CCT2: variants seen among roughly 807,000 people sequenced by gnomAD.
The protein encoded by CCT2 is chaperonin containing TCP1 subunit 2.
In CCT2, 18 loss-of-function variants were observed where a neutral mutation model predicts 61.8. The ratio of observed to expected loss-of-function variants is 0.29; its 90% CI spans 0.20 to 0.43. The LOEUF (loss-of-function observed/expected upper bound fraction) is 0.43, where lower values mean the gene tolerates loss of function less well. Ranked by LOEUF, CCT2 falls within the 20% of genes least tolerant of loss-of-function variation. The probability of loss-of-function intolerance (pLI) is 1.00; values close to 1 mark genes in which losing one functional copy is unlikely to be tolerated. For missense variants in CCT2, 556 were observed against 656.9 expected, an observed-to-expected ratio of 0.85 and a Z score of 1.68; for synonymous variants, 248 against 215.9, an observed-to-expected ratio of 1.15 and a Z score of -1.30.
chr12:69,597,226 A>G lies in CCT2; in HGVS notation c.1053A>G (p.Glu351=). 6.2e-7 allele frequency: 1 copy of G among 1,614,002 alleles called. No individual in the cohort carries two copies. Among genetic ancestry groups the G allele is most frequent in the Non-Finnish European group, 8.5e-7 (1 of 1,179,884 alleles). ...VKLGSCKLIE[E]VMIGEDKLIH... ...TTGGAAGTTGCAAACTTATCGAGGAAGTCATGATTGGAGAAGACAAACTCA... is the reference window on the plus strand; with the variant it reads ...TTGGAAGTTGCAAACTTATCGAGGAGGTCATGATTGGAGAAGACAAACTCA... The change falls in exon 11 of 16, where the codon GAA becomes GAG. Residue 351 remains glutamate (E), a synonymous_variant. Coordinates refer to ENST00000299300, the MANE Select transcript of CCT2 (RefSeq NM_006431.3).
Position 69,591,315 on chromosome 12 carries a change from C to G in CCT2, c.650-744C>G, listed in dbSNP as rs889750131. Among the ~76,000 whole-genome samples, 10 of 152,154 alleles carry G rather than the reference C, an allele frequency of 6.6e-5. No homozygotes were observed. In the South Asian group the frequency reaches 2.1e-3, roughly 31 times the overall value. ...ATGGTTCCAAAGCAGCAGGACTAGG[C>G]TGGTAACTAGCACCTCTGCTACTGG... On this transcript the variant is annotated intron_variant, in intron 7 of 15. Coordinates refer to ENST00000299300, the MANE Select transcript of CCT2 (RefSeq NM_006431.3).
At chr12:69,593,266 C>T (rs1016755139) in intron 9 of CCT2, among the ~76,000 whole-genome samples, 163 bp downstream of exon 9, 2 of 152,262 alleles carry the variant, frequency 1.3e-5, no homozygotes, top group Middle Eastern at 3.4e-3. Flanking sequence ...TGCACACTTA[C>T]AGTGACCAGA....
chr12:69,588,968 G>A (rs114159875), intron 6 of CCT2, among the ~76,000 whole-genome samples: 2 of 152,158 alleles, frequency 1.3e-5, no homozygotes, highest in Non-Finnish European at 2.9e-5. Context: ...TCTTAGAGTT[G>A]CCCAGAATGG....
At chr12:69,600,993 G>C (rs530853414) in intron 15 of CCT2, among the ~76,000 whole-genome samples, 4 of 152,290 alleles carry the variant, frequency 2.6e-5, no homozygotes, top group Admixed American at 2.0e-4. Flanking sequence ...GCATCACACA[G>C]AGGAGGGGGC....
At position 69,587,545 on chromosome 12, in the gene CCT2, T is replaced by C. The variant is rs1002412664; in HGVS notation, c.185T>C (p.Met62Thr). The change falls in exon 4 of 16, where the codon ATG (methionine) becomes ACG (threonine). Residue 62 changes from methionine to threonine, a missense_variant. Physicochemically the swap from Met to Thr is moderately conservative, Grantham distance 81 (BLOSUM62 -1). Around this residue, in one of 3 missense-constraint regions of CCT2, gnomAD observed 308 missense variants for 350.6 expected, o/e 0.88. Transcript: ENST00000299300. ...AGCAGTGGACGAGATGCCTCTCTTA[T>C]GGTAACCAATGATGGTGCCACTATT... ...LLSSGRDASLMVTNDGATILK... is the reference protein window; with the variant it reads ...LLSSGRDASLTVTNDGATILK... 15 of 1,613,698 alleles carry C rather than the reference T, an allele frequency of 9.3e-6. No individual in the cohort carries two copies. The highest frequency in any genetic ancestry group is 2.2e-5 in the East Asian group (1 of 44,886).
intron 5 of CCT2, 25 bp from the exon 6 acceptor site, chr12:69,588,124 CT>C (rs750305969): frequency 1.3e-6 from 2 of 1,582,926 alleles, no homozygotes; most frequent in East Asian, 4.5e-5. Context: ...CTATTTATAA[CT>C]TTTGTTTTAT....
In CCT2 at chr12:69,585,465, C is replaced by G. The variant is rs1310277866; in HGVS notation, c.-57C>G. 9 of 1,551,402 alleles carry G rather than the reference C, an allele frequency of 5.8e-6. No individual in the cohort carries two copies. The highest frequency in any genetic ancestry group is 7.0e-6 in the Non-Finnish European group (8 of 1,145,824). ...GTCACTTCCGGCTTCCTTCAGTCCGCTGGTCCCGAGCACGAGCTGTGAGGG... is the reference window on the plus strand; with the variant it reads ...GTCACTTCCGGCTTCCTTCAGTCCGGTGGTCCCGAGCACGAGCTGTGAGGG... On this transcript the variant is annotated 5_prime_UTR_variant, in exon 1 of 16. Coordinates refer to ENST00000299300, the MANE Select transcript of CCT2 (RefSeq NM_006431.3).
At position 69,598,084 on chromosome 12, in the gene CCT2, A is replaced by T; in HGVS notation, c.1335+13A>T. On this transcript the variant is annotated intron_variant, in intron 13 of 15. Coordinates refer to ENST00000299300, the MANE Select transcript of CCT2 (RefSeq NM_006431.3). ...AGCACTGAGAATGGTAAGTTAATCA[A>T]AATGAGAGATCCGAACTTAAGTTTT... 6.4e-7 allele frequency: 1 copy of T among 1,571,162 alleles called. No homozygotes were observed. Among genetic ancestry groups the T allele is most frequent in the Non-Finnish European group, 8.8e-7 (1 of 1,141,606 alleles).
At chr12:69,595,683 C>G (rs1432634919) in intron 10 of CCT2, among the ~76,000 whole-genome samples, 1 of 96,740 alleles carries the variant, frequency 1.0e-5, no homozygotes, top group East Asian at 3.0e-4. Flanking sequence ...AGCGAGACTC[C>G]GTCTCAAAAA....
chr12:69,592,063 C>T lies in CCT2; in HGVS notation c.654C>T (p.Phe218=). 2.6e-6 allele frequency: 4 copies of T among 1,561,012 alleles called. No homozygotes were observed. Among genetic ancestry groups the T allele is most frequent in the Non-Finnish European group, 3.5e-6 (4 of 1,132,776 alleles). Residue 218 remains phenylalanine, a synonymous_variant, in exon 8 of 16, where the codon TTC becomes TTT. Coordinates refer to ENST00000299300, the MANE Select transcript of CCT2 (RefSeq NM_006431.3). The part of the protein sequence containing the change: ...SLADSYLDEG[F]LLDKKIGVNQ... Reference sequence around the variant, plus strand: ...CTGTTCTTATATTTATTGTAGGCTTCCTGTTGGATAAAAAAATTGGAGTAA... The same window carrying T: ...CTGTTCTTATATTTATTGTAGGCTTTCTGTTGGATAAAAAAATTGGAGTAA...
In CCT2 at chr12:69,600,019, T is replaced by C. The variant is rs1882105561; in HGVS notation, c.1577+15T>C. 2.5e-6 allele frequency: 4 copies of C among 1,585,866 alleles called. No individual in the cohort carries two copies. Among genetic ancestry groups the C allele is most frequent in the Admixed American group, 1.9e-5 (1 of 53,320 alleles). ...GCGGCACCCAGGTACCCTAACACTTTTCTCAGAAAAAATTACTAACAGCAA... is the reference window on the plus strand; with the variant it reads ...GCGGCACCCAGGTACCCTAACACTTCTCTCAGAAAAAATTACTAACAGCAA... On this transcript the variant is annotated intron_variant, in intron 15 of 15. Coordinates refer to ENST00000299300, the MANE Select transcript of CCT2 (RefSeq NM_006431.3).
chr12:69,595,235 C>T (rs1379754189), intron 10 of CCT2, among the ~76,000 whole-genome samples: 3 of 152,102 alleles, frequency 2.0e-5, no homozygotes, highest in Non-Finnish European at 4.4e-5. Flanking sequence ...GAAGCATAGT[C>T]GTCTTCTAAC....
rs1223649257 is a variant in CCT2, at chr12:69,597,669, C to T, written c.1134C>T (p.Ala378=). The change falls in exon 12 of 16, where the codon GCC becomes GCT. Residue 378 remains alanine, a synonymous_variant. Coordinates refer to ENST00000299300, the MANE Select transcript of CCT2 (RefSeq NM_006431.3). ...CTTGTACCATTGTTTTGCGTGGTGCCACTCAACAAATTTTAGATGAAGCAG... is the reference window on the plus strand; with the variant it reads ...CTTGTACCATTGTTTTGCGTGGTGCTACTCAACAAATTTTAGATGAAGCAG... ...GEACTIVLRG[A]TQQILDEAER... 6.2e-7 allele frequency: 1 copy of T among 1,613,854 alleles called. No individual in the cohort carries two copies. Among genetic ancestry groups the T allele is most frequent in the Non-Finnish European group, 8.5e-7 (1 of 1,179,828 alleles).
chr12:69,585,705 C>G (rs1346221754), intron 1 of CCT2, 181 bp downstream of exon 1: 1 of 1,490,890 alleles, frequency 6.7e-7, no homozygotes, highest in Non-Finnish European at 8.9e-7. Flanking sequence ...GAGCTCACCA[C>G]GAGGGGGAGG....
Position 69,592,644 on chromosome 12 carries a change from G to GGC in CCT2, c.751-331_751-330dup, listed in dbSNP as rs1373822535. ...TGGGACTCTTTAAAAAGAGTAATGA[G>GGC]GCCTGGCGTGGTGGTTCACGCCTGT... On this transcript the variant is annotated intron_variant, in intron 8 of 15. Transcript: ENST00000299300. The GGC allele has an allele frequency of 9.5e-5, 22 of 230,566 alleles. No homozygotes were observed. In the Admixed American group the frequency reaches 1.1e-3, roughly 11 times the overall value. 14.3% of individuals were successfully genotyped at this position (230,566 alleles called of 1,614,324 possible).
chr12:69,594,968 G>A (rs1593099674), intron 10 of CCT2, among the ~76,000 whole-genome samples: 1 of 152,056 alleles, frequency 6.6e-6, no homozygotes, highest in Non-Finnish European at 1.5e-5. Context: ...GGTTTTCATA[G>A]TACACTCTAA....
chr12:69,593,704 T>C (rs1881903843), intron 10 of CCT2, 91 bp downstream of exon 10: 1 of 717,154 alleles, frequency 1.4e-6, no homozygotes, highest in South Asian at 1.8e-5. Context: ...TTAAGGAGTT[T>C]AGAATTTCAG....
rs1881676124 is a variant in CCT2 at position 69,586,753 on chromosome 12, A to G, written c.79A>G (p.Thr27Ala). 3 of 1,594,934 alleles carry G rather than the reference A, an allele frequency of 1.9e-6. No individual in the cohort carries two copies. The highest frequency in any genetic ancestry group is 2.6e-6 in the Non-Finnish European group (3 of 1,171,398). The change falls in exon 3 of 16, where the codon ACT becomes GCT. Residue 27 changes from threonine (T) to alanine (A), a missense_variant and splice_region_variant. Around this residue, in one of 3 missense-constraint regions of CCT2, gnomAD observed 308 missense variants for 350.6 expected, o/e 0.88. Coordinates refer to ENST00000299300, the MANE Select transcript of CCT2 (RefSeq NM_006431.3). The stretch of plus-strand genomic sequence containing the variant: ...ATAATCTCCTTGGTTTTTACTCCAG[A>G]CTTCTTTTATTGGTGCCATCGCCAT... ...DEERAETARL[T>A]SFIGAIAIGD... is the part of the protein sequence containing the mutation.
Position 69,598,365 on chromosome 12 carries a change from A to T in CCT2, c.1379A>T (p.Asp460Val), listed in dbSNP as rs769606657. The T allele has an allele frequency of 3.7e-6, 6 of 1,605,766 alleles. No individual in the cohort carries two copies. In the East Asian group the frequency reaches 1.3e-4, roughly 36 times the overall value. Residue 460 changes from aspartate to valine, a missense_variant, in exon 14 of 16, where the codon GAC becomes GTC. Asp to Val is a radical substitution (Grantham distance 152). Around this residue, in one of 3 missense-constraint regions of CCT2, gnomAD observed 225 missense variants for 249.8 expected, o/e 0.90. Transcript: ENST00000299300. ...GACAATGCAGGCTATGACAGTGCAG[A>T]CCTGGTGGCACAGCTCAGGGCTGCT... is the stretch of plus-strand genomic sequence containing the variant. ...IADNAGYDSA[D>V]LVAQLRAAHS...
Sources: allele counts gnomAD v4.1 joint callset (sites outside exome capture counted in the v4.1 genomes callset), GRCh38; gene constraint gnomAD v4.1.1; regional missense constraint gnomAD v4.1.1; transcripts MANE v1.5; gene names NCBI Gene and HGNC (gene_info 2026-07-23, HGNC 2026-07-21).